Variants in ST6GALNAC3 observed in about 807,000 individuals in gnomAD.
The protein encoded by ST6GALNAC3 is ST6 N-acetylgalactosaminide alpha-2,6-sialyltransferase 3, also known as alpha-N-acetylgalactosaminide alpha-2,6-sialyltransferase 3.
In ST6GALNAC3, 25 loss-of-function variants were observed where a neutral mutation model predicts 32.7. The ratio of observed to expected loss-of-function variants is 0.76; its 90% CI spans 0.56 to 1.07. ST6GALNAC3 has a LOEUF of 1.07. ST6GALNAC3 is among the 50% of genes least tolerant of loss of function. The pLI is 0.00. For synonymous variants in ST6GALNAC3, 129 were observed against 133.1 expected, an observed-to-expected ratio of 0.97 and a Z score of 0.21; for missense variants, 355 against 382.4, an observed-to-expected ratio of 0.93 and a Z score of 0.60.
chr1:76,580,944 C>A (rs926995078), intron 3 of ST6GALNAC3, among the ~76,000 whole-genome samples: 1 of 152,058 alleles, frequency 6.6e-6, no homozygotes, highest in Admixed American at 6.6e-5. Context: ...AAGACACATG[C>A]TTTGGAGTGT....
At chr1:76,190,075 C>T (rs1653806854) in intron 1 of ST6GALNAC3, among the ~76,000 whole-genome samples, 1 of 151,952 alleles carries the variant, frequency 6.6e-6, no homozygotes, top group African/African-American at 2.4e-5. Context: ...TTTAAAGCAA[C>T]TCATTATGTC....
At chr1:76,133,015 A>G (rs1037107253) in intron 1 of ST6GALNAC3, among the ~76,000 whole-genome samples, 3 of 151,886 alleles carry the variant, frequency 2.0e-5, no homozygotes, top group Non-Finnish European at 4.4e-5. Flanking sequence ...TAGTGGCATC[A>G]GTTTGTCTCG....
At chr1:76,076,103 A>G (rs1432728485) in intron 1 of ST6GALNAC3, among the ~76,000 whole-genome samples, 2 of 152,184 alleles carry the variant, frequency 1.3e-5, no homozygotes, top group African/African-American at 2.4e-5. Flanking sequence ...TTTCCAGGAC[A>G]TGAGGAAATA....
chr1:76,568,487 A>C (rs1388237621), intron 3 of ST6GALNAC3, among the ~76,000 whole-genome samples: 2 of 152,200 alleles, frequency 1.3e-5, no homozygotes, highest in African/African-American at 4.8e-5. Flanking sequence ...CTCTCCCAGC[A>C]TGAAAGTTGT....
chr1:76,397,021 T>C (rs1653018166), intron 2 of ST6GALNAC3, among the ~76,000 whole-genome samples: 1 of 152,192 alleles, frequency 6.6e-6, no homozygotes, highest in Non-Finnish European at 1.5e-5. Context: ...GTGGGCTCAG[T>C]AATCTCATTT....
intron 3 of ST6GALNAC3, among the ~76,000 whole-genome samples, chr1:76,588,832 A>T (rs758320501): frequency 2.6e-5 from 4 of 152,180 alleles, no homozygotes; most frequent in African/African-American, 7.2e-5. Context: ...ACTAGGCTCC[A>T]CTTGTTCCAG....
intron 3 of ST6GALNAC3, among the ~76,000 whole-genome samples, chr1:76,542,679 G>T (rs1664063198): frequency 6.6e-6 from 1 of 152,100 alleles, no homozygotes; most frequent in African/African-American, 2.4e-5. Context: ...ACATTCAGTT[G>T]CACCCATTGT....
At chr1:76,173,185 A>G (rs1652632483) in intron 1 of ST6GALNAC3, among the ~76,000 whole-genome samples, 1 of 152,200 alleles carries the variant, frequency 6.6e-6, no homozygotes, top group Non-Finnish European at 1.5e-5. Flanking sequence ...AACACCACAC[A>G]TCTACAACCA....
At chr1:76,403,550 A>T (rs1277742400) in intron 2 of ST6GALNAC3, among the ~76,000 whole-genome samples, 1 of 152,120 alleles carries the variant, frequency 6.6e-6, no homozygotes, top group Non-Finnish European at 1.5e-5. Flanking sequence ...AAACAAAATT[A>T]TGTGCAGGTG....
intron 1 of ST6GALNAC3, among the ~76,000 whole-genome samples, chr1:76,174,282 A>G (rs1652707970): frequency 6.6e-6 from 1 of 152,174 alleles, no homozygotes; most frequent in Non-Finnish European, 1.5e-5. Flanking sequence ...ATACGTGGAC[A>G]CAGAGAGTGG....
intron 3 of ST6GALNAC3, among the ~76,000 whole-genome samples, chr1:76,435,858 T>A (rs143563506): frequency 8.7e-6 from 1 of 115,154 alleles, no homozygotes; most frequent in African/African-American, 3.2e-5. Flanking sequence ...TTTCTTTTTT[T>A]ATTTTTTTTT....
At chr1:76,463,256 C>T (rs1041876862) in intron 3 of ST6GALNAC3, among the ~76,000 whole-genome samples, 5 of 152,176 alleles carry the variant, frequency 3.3e-5, no homozygotes, top group African/African-American at 1.2e-4. Flanking sequence ...CTAAAAGTCC[C>T]GCTGCTTTAG....
intron 1 of ST6GALNAC3, among the ~76,000 whole-genome samples, chr1:76,289,915 G>A (rs1306969297): frequency 6.6e-6 from 1 of 152,156 alleles, no homozygotes; most frequent in African/African-American, 2.4e-5. Context: ...GAGTTGCTTT[G>A]CCTGCCTTGC....
At chr1:76,416,918 G>A (rs1025959671) in intron 3 of ST6GALNAC3, among the ~76,000 whole-genome samples, 2 of 151,906 alleles carry the variant, frequency 1.3e-5, no homozygotes, top group Non-Finnish European at 2.9e-5. Context: ...GAGCCACCAC[G>A]CCCGGCCAGC....
intron 2 of ST6GALNAC3, among the ~76,000 whole-genome samples, chr1:76,343,660 T>C (rs937374881): frequency 6.6e-6 from 1 of 152,240 alleles, no homozygotes; most frequent in Non-Finnish European, 1.5e-5. Context: ...ATATCGCTAC[T>C]TCTTTCTTCT....
chr1:76,345,676 A>T (rs959575262), intron 2 of ST6GALNAC3, among the ~76,000 whole-genome samples: 1 of 151,958 alleles, frequency 6.6e-6, no homozygotes, highest in Non-Finnish European at 1.5e-5. Flanking sequence ...TTGTCATCCT[A>T]TGCTCAAAAT....
chr1:76,309,693 A>T (rs1646719552), intron 1 of ST6GALNAC3, among the ~76,000 whole-genome samples: 4 of 152,158 alleles, frequency 2.6e-5, no homozygotes, highest in Admixed American at 6.5e-5. Flanking sequence ...AGAAGGGCAA[A>T]GAATCAAACC....
intron 2 of ST6GALNAC3, among the ~76,000 whole-genome samples, chr1:76,362,061 C>T (rs1254903319): frequency 6.6e-6 from 1 of 151,758 alleles, no homozygotes; most frequent in Non-Finnish European, 1.5e-5. Context: ...CTCTGGGTTC[C>T]ATAGGCTGTA....
At chr1:76,439,247 G>A (rs1031066575) in intron 3 of ST6GALNAC3, among the ~76,000 whole-genome samples, 11 of 152,206 alleles carry the variant, frequency 7.2e-5, no homozygotes, top group African/African-American at 2.2e-4. Flanking sequence ...CCCTGTGACA[G>A]CTGCAGGAGG....
Sources: allele counts gnomAD v4.1 joint callset (sites outside exome capture counted in the v4.1 genomes callset), GRCh38; gene constraint gnomAD v4.1.1; transcripts MANE v1.5; gene names NCBI Gene and HGNC (gene_info 2026-07-23, HGNC 2026-07-21).